SLC37A2: variants seen among roughly 807,000 people sequenced by gnomAD.
SLC37A2 encodes solute carrier family 37 member 2, also known as glucose-6-phosphate exchanger SLC37A2.
In SLC37A2, 59 loss-of-function variants were observed where a neutral mutation model predicts 70.7. The observed-to-expected ratio is 0.83, with a 90% CI of 0.68 to 1.04. The LOEUF (loss-of-function observed/expected upper bound fraction) is 1.04. Ranked by LOEUF, SLC37A2 falls within the 50% of genes least tolerant of loss-of-function variation. The pLI, the probability that SLC37A2 is intolerant of heterozygous loss-of-function variation, is 0.00. For synonymous variants in SLC37A2, 257 were observed against 262.1 expected (o/e 0.98, Z 0.19); for missense variants, 580 against 658.1 (o/e 0.88, Z 1.30).
At chr11:125,079,806 G>A in intron 6 of SLC37A2, 46 bp downstream of exon 6, 1 of 1,457,880 alleles carries the variant, frequency 6.9e-7, no homozygotes, top group Non-Finnish European at 9.5e-7. Flanking sequence ...GGGAGGGCTG[G>A]GGGTCCTGAG....
chr11:125,075,531 G>A (rs1949074959), intron 1 of SLC37A2, among the ~76,000 whole-genome samples: 1 of 152,190 alleles, frequency 6.6e-6, no homozygotes, highest in Non-Finnish European at 1.5e-5. Flanking sequence ...CCTTCATGCT[G>A]GATGGGATGG....
At chr11:125,086,331 G>T in intron 17 of SLC37A2, 1 of 1,177,902 alleles carries the variant, frequency 8.5e-7, no homozygotes, top group Non-Finnish European at 1.3e-6. Context: ...CCTCTGTCCT[G>T]CAGTATGACT....
At chr11:125,068,693 G>A (rs1038095827) in intron 1 of SLC37A2, among the ~76,000 whole-genome samples, 3 of 152,184 alleles carry the variant, frequency 2.0e-5, no homozygotes, top group Non-Finnish European at 4.4e-5. Flanking sequence ...TGTATACATT[G>A]CCTGGTATAC....
intron 17 of SLC37A2, 154 bp downstream of exon 17, chr11:125,086,172 C>T (rs1449608303): frequency 1.3e-6 from 2 of 1,599,514 alleles, no homozygotes; most frequent in South Asian, 2.2e-5. Context: ...CCCTGCTAAC[C>T]TGTCCTCTGT....
At chr11:125,071,615 G>A (rs3934543) in intron 1 of SLC37A2, among the ~76,000 whole-genome samples, 3,071 of 152,334 alleles carry the variant, frequency 0.02, 115 homozygotes, top group African/African-American at 0.07. Context: ...GGCAAGCCCC[G>A]AGTCATCTCG....
In SLC37A2 at chr11:125,088,196, G is replaced by C. The variant is rs773866417; in HGVS notation, c.*62G>C. The C allele has an allele frequency of 1.6e-4, 252 of 1,533,290 alleles. No individual in the cohort carries two copies. Among genetic ancestry groups the C allele is most frequent in the Non-Finnish European group, 2.0e-4 (228 of 1,130,806 alleles). The allele number at this position is 1,533,290 out of a possible 1,614,324, so 95.0% of individuals were successfully genotyped here. A position where few individuals can be genotyped will look rare whatever the true frequency, so the allele number is the denominator to read the frequency against. ...TGGGTCCCCAACGTGCTCCCCATGG[G>C]CAAGACAATGGAAACTTCCACAAGC... On this transcript the variant is annotated 3_prime_UTR_variant, in exon 18 of 18. Transcript: ENST00000403796.
intron 12 of SLC37A2, 127 bp from the exon 13 acceptor site, chr11:125,084,698 T>C (rs1949185440): frequency 2.0e-6 from 2 of 980,546 alleles, no homozygotes; most frequent in African/African-American, 1.6e-5. Context: ...GAAATCTGCA[T>C]AGGCAGGGGA....
intron 1 of SLC37A2, among the ~76,000 whole-genome samples, chr11:125,068,080 C>T (rs1948998515): frequency 6.6e-6 from 1 of 152,136 alleles, no homozygotes; most frequent in Non-Finnish European, 1.5e-5. Flanking sequence ...CAGTAATACG[C>T]ATAACATGAC....
At chr11:125,067,003 A>G (rs936402039) in intron 1 of SLC37A2, among the ~76,000 whole-genome samples, 1 of 145,396 alleles carries the variant, frequency 6.9e-6, no homozygotes, top group Non-Finnish European at 1.5e-5. Flanking sequence ...TTTTCGAGAC[A>G]AAGTCTTGCT....
chr11:125,068,821 G>T (rs1010432210), intron 1 of SLC37A2, among the ~76,000 whole-genome samples: 1 of 152,142 alleles, frequency 6.6e-6, no homozygotes, highest in African/African-American at 2.4e-5. Flanking sequence ...ACAGGCCAGG[G>T]TGCAGACAAA....
chr11:125,075,296 G>A (rs955884103), intron 1 of SLC37A2, among the ~76,000 whole-genome samples: 1 of 152,186 alleles, frequency 6.6e-6, no homozygotes, highest in Non-Finnish European at 1.5e-5. Flanking sequence ...AGAAGTCCCC[G>A]AACTAAGAGT....
At chr11:125,087,597 A>G (rs1949233482) in intron 17 of SLC37A2, 2 of 153,644 alleles carry the variant, frequency 1.3e-5, no homozygotes, top group South Asian at 4.0e-4. Flanking sequence ...AAAGCTGTCA[A>G]ATGTGGCATG....
rs914785317 is a variant in SLC37A2 at position 125,063,997 on chromosome 11, A to C, written c.59+571A>C. ...CCCTCGGCAGTGGGAGAAGGGCTTC[A>C]CAGAGGTTCTCTTCCTGACCGCAGG... On this transcript the variant is annotated intron_variant, in intron 1 of 17. Coordinates refer to ENST00000403796, the MANE Select transcript of SLC37A2 (RefSeq NM_001145290.2). This position sits in a 1 kb window ranked among gnomAD's most constrained non-coding sequence, Gnocchi z 5.4. Among the ~76,000 whole-genome samples, 3 of 152,192 alleles carry C rather than the reference A, an allele frequency of 2.0e-5. No individual in the cohort carries two copies. Among genetic ancestry groups the C allele is most frequent in the African/African-American group, 7.2e-5 (3 of 41,452 alleles).
In SLC37A2 at chr11:125,076,755, A is replaced by T. The variant is rs777890036; in HGVS notation, c.60-2A>T. On this transcript the variant is annotated splice_acceptor_variant, in intron 1 of 17. Coordinates refer to ENST00000403796, the MANE Select transcript of SLC37A2 (RefSeq NM_001145290.2). LOFTEE classifies it high-confidence loss of function. ...TAACGCAGATGCTGTCCCTTCCTGCAGGTTCCGAGGCCTCATCCTGCTGCT... is the reference window on the plus strand; with the variant it reads ...TAACGCAGATGCTGTCCCTTCCTGCTGGTTCCGAGGCCTCATCCTGCTGCT... 3.1e-6 allele frequency: 5 copies of T among 1,614,132 alleles called. No homozygotes were observed. The Admixed American group carries it at 8.3e-5, about 27-fold the overall frequency.
chr11:125,087,878 C>T (rs915686595), intron 17 of SLC37A2: 50 of 396,838 alleles, frequency 1.3e-4, no homozygotes, highest in African/African-American at 7.8e-4. Flanking sequence ...GTGACTCACC[C>T]GCCTCGGCCT....
rs185340074 is a variant in SLC37A2, at chr11:125,076,504, C to G, written c.60-253C>G. On this transcript the variant is annotated intron_variant, in intron 1 of 17. Coordinates refer to ENST00000403796, the MANE Select transcript of SLC37A2 (RefSeq NM_001145290.2). ...CAGCTGGTCAGAGCAGGCGGAGGTG[C>G]TTCTTGTGGGCTGGGGCCGAGCCGG... Among the ~76,000 whole-genome samples the G allele has an allele frequency of 2.7e-3, 416 of 152,292 alleles. 4 individuals are homozygous for G. The highest frequency in any genetic ancestry group is 9.5e-3 in the African/African-American group (393 of 41,572).
Position 125,080,865 on chromosome 11 carries a change from C to G in SLC37A2, c.694+85C>G, listed in dbSNP as rs899623525. The G allele has an allele frequency of 8.1e-7, 1 of 1,241,578 alleles. No homozygotes were observed. The highest frequency in any genetic ancestry group is 1.0e-6 in the Non-Finnish European group (1 of 957,410). 76.9% of individuals were successfully genotyped at this position (1,241,578 alleles called of 1,614,324 possible). A position where few individuals can be genotyped will look rare whatever the true frequency, so the allele number is the denominator to read the frequency against. ...GCAGCTGGATCTACTGGAAAGATTG[C>G]TGGTCACAGAGTGGGAGGACCAGCC... On this transcript the variant is annotated intron_variant, in intron 7 of 17. Coordinates refer to ENST00000403796, the MANE Select transcript of SLC37A2 (RefSeq NM_001145290.2). The surrounding 1 kb of genome is among the most constrained non-coding windows in gnomAD (Gnocchi z 4.3).
At chr11:125,085,201 C>A in intron 14 of SLC37A2, 62 bp downstream of exon 14, 2 of 1,506,602 alleles carry the variant, frequency 1.3e-6, no homozygotes, top group Non-Finnish European at 1.8e-6. Context: ...GGGCCACCAT[C>A]TCCAGGTCCA....
Position 125,077,268 on chromosome 11 carries a change from C to T in SLC37A2, c.180C>T (p.Pro60=). The change falls in exon 3 of 18, where the codon CCC becomes CCT. Residue 60 remains proline, a synonymous_variant. Transcript: ENST00000403796. The part of the protein sequence containing the change: ...LHQNCSEQIK[P]INDTHSLNDT... ...AGAACTGCTCGGAGCAGATCAAACC[C>T]ATCAATGATACTCACAGTCTCAATG... 6.2e-7 allele frequency: 1 copy of T among 1,608,226 alleles called. No individual in the cohort carries two copies. The highest frequency in any genetic ancestry group is 8.5e-7 in the Non-Finnish European group (1 of 1,177,014).
Sources: gnomAD v4.1 joint callset for allele counts (sites outside exome capture counted in the v4.1 genomes callset) on GRCh38, gnomAD v4.1.1 for gene constraint, Gnocchi (gnomAD v3.1) non-coding constraint, MANE v1.5 for transcripts, NCBI Gene and HGNC (gene_info 2026-07-23, HGNC 2026-07-21) for gene names.